Variants in LMX1A observed in about 807,000 individuals in gnomAD.
The protein encoded by LMX1A is LIM homeobox transcription factor 1-alpha.
In LMX1A, 15 loss-of-function variants were observed where a neutral mutation model predicts 49.1. The ratio of observed to expected loss-of-function variants is 0.31; its 90% CI spans 0.20 to 0.47. The LOEUF (loss-of-function observed/expected upper bound fraction) is 0.47. Ranked by LOEUF, LMX1A falls within the 20% of genes least tolerant of loss-of-function variation. The pLI is 1.00. For synonymous variants in LMX1A, 167 were observed against 185.7 expected, an observed-to-expected ratio of 0.90 and a Z score of 0.82; for missense variants, 372 against 475.8, an observed-to-expected ratio of 0.78 and a Z score of 2.03.
At chr1:165,325,573 A>G (rs796410821) in intron 3 of LMX1A, among the ~76,000 whole-genome samples, 30 of 152,232 alleles carry the variant, frequency 2.0e-4, no homozygotes, top group Middle Eastern at 3.4e-3. Context: ...TGGATGAGAG[A>G]GAACAGAGCA....
chr1:165,289,958 C>T (rs559188215), intron 3 of LMX1A, among the ~76,000 whole-genome samples: 1 of 152,238 alleles, frequency 6.6e-6, no homozygotes, highest in South Asian at 2.1e-4. Context: ...AAGCACAGGC[C>T]CATCCTTAGG....
intron 3 of LMX1A, among the ~76,000 whole-genome samples, chr1:165,324,941 A>T (rs1201761983): frequency 6.6e-6 from 1 of 152,232 alleles, no homozygotes; most frequent in Admixed American, 6.5e-5. Flanking sequence ...AATGCCTTCT[A>T]TACCAATGTT....
At position 165,244,840 on chromosome 1, in the gene LMX1A, G is replaced by C. The variant is rs146824868; in HGVS notation, c.496+4568C>G. Among the ~76,000 whole-genome samples the C allele has an allele frequency of 6.0e-5, 7 of 116,950 alleles. No individual in the cohort carries two copies. The East Asian group carries it at 1.3e-3, about 22-fold the overall frequency. The allele number at this position is 116,950 out of a possible 152,430, so 76.7% of individuals were successfully genotyped here. ...GGGGAGTCTCTCCTGGAGACCTTGG[G>C]CATCCAAGTTGCCCAGTGTCAAAAA... is the stretch of plus-strand genomic sequence containing the variant. On this transcript the variant is annotated intron_variant, in intron 4 of 8. Coordinates refer to ENST00000342310, the MANE Select transcript of LMX1A (RefSeq NM_177398.4).
chr1:165,350,744 A>C (rs1196058973), intron 3 of LMX1A, among the ~76,000 whole-genome samples: 3 of 152,252 alleles, frequency 2.0e-5, no homozygotes, highest in Non-Finnish European at 4.4e-5. Flanking sequence ...CTGATGGGCT[A>C]AGCACAGGCC....
At chr1:165,280,363 TC>T in intron 3 of LMX1A, among the ~76,000 whole-genome samples, 1 of 152,066 alleles carries the variant, frequency 6.6e-6, no homozygotes, top group Non-Finnish European at 1.5e-5. Flanking sequence ...AACAACTGTC[TC>T]CCACCCCAAA....
intron 3 of LMX1A, among the ~76,000 whole-genome samples, chr1:165,293,122 A>AAAAAC (rs1321665532): frequency 2.2e-4 from 34 of 151,922 alleles, no homozygotes; most frequent in Non-Finnish European, 4.6e-4. Context: ...TCTCAAAAAA[A>AAAAAC]AAAACAAAAC....
intron 4 of LMX1A, among the ~76,000 whole-genome samples, chr1:165,248,446 G>A (rs979801400): frequency 4.3e-5 from 6 of 140,448 alleles, no homozygotes; most frequent in Non-Finnish European, 7.9e-5. Context: ...CTATGGATAA[G>A]ATGAATGCTG....
intron 3 of LMX1A, among the ~76,000 whole-genome samples, chr1:165,292,358 G>A (rs541203530): frequency 7.1e-4 from 108 of 152,252 alleles, no homozygotes; most frequent in African/African-American, 2.4e-3. Context: ...AAAGATCTGA[G>A]AACCACACAG....
At chr1:165,333,419 A>G (rs1253418496) in intron 3 of LMX1A, among the ~76,000 whole-genome samples, 1 of 152,056 alleles carries the variant, frequency 6.6e-6, no homozygotes, top group African/African-American at 2.4e-5. Flanking sequence ...TCCGCCTCCC[A>G]AAGTGCTGAG....
At chr1:165,277,879 A>G (rs76707687) in intron 3 of LMX1A, among the ~76,000 whole-genome samples, 2,045 of 152,372 alleles carry the variant, frequency 0.013, 25 homozygotes, top group Middle Eastern at 0.02. Context: ...AGGGGACTCT[A>G]TGGTTGAGCA....
chr1:165,337,888 C>CTGTGTGTGTGTGTGTGTGTGTGTG (rs6143463), intron 3 of LMX1A, among the ~76,000 whole-genome samples: 20,175 of 146,776 alleles, frequency 0.14, 1,683 homozygotes, highest in Non-Finnish European at 0.19. Flanking sequence ...GTGTGTGTTT[C>CTGTGTGTGTGTGTGTGTGTGTGTG]TGTGTGTGTG....
At chr1:165,353,930 C>G (rs1292782061) in intron 2 of LMX1A, among the ~76,000 whole-genome samples, 2 of 152,196 alleles carry the variant, frequency 1.3e-5, no homozygotes, top group Non-Finnish European at 2.9e-5. Context: ...AGAAGCAAGC[C>G]GCTGAGTGTC....
intron 3 of LMX1A, among the ~76,000 whole-genome samples, chr1:165,328,295 A>G (rs1298025430): frequency 1.3e-5 from 2 of 152,224 alleles, no homozygotes; most frequent in African/African-American, 2.4e-5. Flanking sequence ...TTAGCATGTG[A>G]CATAAACAGA....
chr1:165,283,004 C>G (rs1654197496), intron 3 of LMX1A, among the ~76,000 whole-genome samples: 1 of 152,216 alleles, frequency 6.6e-6, no homozygotes, highest in Non-Finnish European at 1.5e-5. Flanking sequence ...GTCTCCAACC[C>G]CAAGTCACAC....
chr1:165,308,956 C>T (rs917781008), intron 3 of LMX1A, among the ~76,000 whole-genome samples: 6 of 152,104 alleles, frequency 3.9e-5, no homozygotes, highest in South Asian at 4.2e-4. Flanking sequence ...TTTTGTTGAC[C>T]TGAATATTAT....
chr1:165,280,520 A>C (rs575146328), intron 3 of LMX1A, among the ~76,000 whole-genome samples: 2 of 152,352 alleles, frequency 1.3e-5, no homozygotes, highest in East Asian at 1.9e-4. Flanking sequence ...ATGCTGCATT[A>C]GACTGTTTAT....
At chr1:165,296,932 G>T (rs10753671) in intron 3 of LMX1A, among the ~76,000 whole-genome samples, 132,616 of 152,294 alleles carry the variant, frequency 0.87, 57,806 homozygotes, top group Middle Eastern at 0.92. Flanking sequence ...AAAGGCTTCT[G>T]CATTTGTAAC....
intron 2 of LMX1A, among the ~76,000 whole-genome samples, chr1:165,353,894 A>G (rs1317879188): frequency 6.6e-6 from 1 of 152,190 alleles, no homozygotes; most frequent in Non-Finnish European, 1.5e-5. Context: ...AAGCGTCAAA[A>G]CAGAGGGAGG....
chr1:165,349,492 T>G (rs1461660081), intron 3 of LMX1A, among the ~76,000 whole-genome samples: 3 of 152,220 alleles, frequency 2.0e-5, no homozygotes, highest in Non-Finnish European at 4.4e-5. Context: ...ATTCATCAAT[T>G]GTGTAAATGT....
Sources: allele counts gnomAD v4.1 joint callset (sites outside exome capture counted in the v4.1 genomes callset), GRCh38; gene constraint gnomAD v4.1.1; transcripts MANE v1.5; gene names NCBI Gene and HGNC (gene_info 2026-07-23, HGNC 2026-07-21).